Variants in SEMA4D observed in about 807,000 individuals in gnomAD.
SEMA4D encodes semaphorin 4D, also known as semaphorin-4D.
Under a neutral mutation model 74.8 loss-of-function variants are expected in SEMA4D, and 22 were observed. The ratio of observed to expected loss-of-function variants is 0.29; its 90% confidence interval spans 0.21 to 0.42. SEMA4D has a LOEUF of 0.42. SEMA4D is among the 10% of genes least tolerant of loss of function. The probability of loss-of-function intolerance (pLI) is 1.00; values close to 1 mark genes in which losing one functional copy is unlikely to be tolerated. For synonymous variants in SEMA4D, 445 were observed against 463.7 expected (o/e 0.96, Z 0.52); for missense variants, 937 against 1,118.4 (o/e 0.84, Z 2.31).
At chr9:89,448,228 G>A (rs1375614147) in intron 2 of SEMA4D, among the ~76,000 whole-genome samples, 1 of 152,098 alleles carries the variant, frequency 6.6e-6, no homozygotes, top group Non-Finnish European at 1.5e-5. Context: ...CTCCCATCTC[G>A]GCCTATCAAA....
intron 13 of SEMA4D, among the ~76,000 whole-genome samples, chr9:89,383,395 A>G (rs1428148005): frequency 6.6e-6 from 1 of 152,136 alleles, no homozygotes; most frequent in Non-Finnish European, 1.5e-5. Context: ...CATCCCCAGA[A>G]AGCGCCCTCT....
rs1319570037 is a variant in SEMA4D, at chr9:89,378,672, G to A, written c.*32C>T. Reference sequence around the variant, plus strand: ...ACTCTCCACGCCTGGACACGTCGCAGCCGAGGCACCAGCGGGGATGCACAG... The same window carrying A: ...ACTCTCCACGCCTGGACACGTCGCAACCGAGGCACCAGCGGGGATGCACAG... On this transcript the variant is annotated 3_prime_UTR_variant, in exon 16 of 16. Transcript: ENST00000422704. 6.4e-7 allele frequency: 1 copy of A among 1,560,248 alleles called. No individual in the cohort carries two copies. The highest frequency in any genetic ancestry group is 2.2e-5 in the East Asian group (1 of 44,522).
chr9:89,466,792 A>G (rs971895782), intron 1 of SEMA4D, among the ~76,000 whole-genome samples: 1 of 152,162 alleles, frequency 6.6e-6, no homozygotes, highest in African/African-American at 2.4e-5. Flanking sequence ...ACCAGGTCAC[A>G]AGCATTCACC....
chr9:89,382,674 C>T (rs535369351), intron 13 of SEMA4D, among the ~76,000 whole-genome samples: 2 of 152,198 alleles, frequency 1.3e-5, no homozygotes, highest in Non-Finnish European at 2.9e-5. Flanking sequence ...GATCACAGTT[C>T]GGGCATCGCG....
At chr9:89,485,516 C>T (rs1223294386) in intron 1 of SEMA4D, among the ~76,000 whole-genome samples, 3 of 152,118 alleles carry the variant, frequency 2.0e-5, no homozygotes, top group Admixed American at 6.5e-5. Flanking sequence ...GGGCTGGGCA[C>T]GGTGGCTCAC....
Position 89,364,449 on chromosome 9 carries a change from C to T in SEMA4D, c.1883-499G>A, listed in dbSNP as rs1049417405. 5 of 214,642 alleles carry T rather than the reference C, an allele frequency of 2.3e-5. No homozygotes were observed. In the East Asian group the frequency reaches 3.1e-4, roughly 13 times the overall value. 13.3% of individuals were successfully genotyped at this position (214,642 alleles called of 1,614,324 possible). On this transcript the variant is annotated intron_variant, in intron 16 of 18. Transcript: ENST00000339861. Reference sequence around the variant, plus strand: ...TGGGGACCATGAGGGCCTGTCTCTCCAATTGAGACACTGGGGTGGGCTTGG... The same window carrying T: ...TGGGGACCATGAGGGCCTGTCTCTCTAATTGAGACACTGGGGTGGGCTTGG...
chr9:89,480,199 C>T (rs1196859441), intron 1 of SEMA4D, among the ~76,000 whole-genome samples: 17 of 152,116 alleles, frequency 1.1e-4, no homozygotes, highest in Non-Finnish European at 2.1e-4. Flanking sequence ...AAAGGTTCTC[C>T]ACGTCCTCAC....
At chr9:89,459,698 T>G (rs1856786141) in intron 1 of SEMA4D, among the ~76,000 whole-genome samples, 1 of 152,174 alleles carries the variant, frequency 6.6e-6, no homozygotes, top group South Asian at 2.1e-4. Context: ...TGCCCCTGTG[T>G]GTGGCAGGCA....
intron 2 of SEMA4D, among the ~76,000 whole-genome samples, chr9:89,446,509 G>C (rs1372677186): frequency 6.6e-6 from 1 of 152,214 alleles, no homozygotes; most frequent in Non-Finnish European, 1.5e-5. Flanking sequence ...GCCCAACATG[G>C]GCTAAAGAAA....
intron 2 of SEMA4D, among the ~76,000 whole-genome samples, chr9:89,406,349 T>C (rs1009568031): frequency 5.3e-5 from 8 of 152,194 alleles, no homozygotes; most frequent in Non-Finnish European, 1.0e-4. Context: ...CTGTGCACCA[T>C]AGAAATGGTG....
chr9:89,460,172 G>C (rs1334412771), intron 1 of SEMA4D, among the ~76,000 whole-genome samples: 1 of 152,122 alleles, frequency 6.6e-6, no homozygotes, highest in Non-Finnish European at 1.5e-5. Flanking sequence ...ACCTTGCTTC[G>C]CTTCTGTCCT....
intron 12 of SEMA4D, 135 bp downstream of exon 12, chr9:89,387,251 T>C: frequency 1.4e-6 from 1 of 699,464 alleles, no homozygotes; most frequent in South Asian, 2.1e-5. Flanking sequence ...CTTCTTACGC[T>C]CCCACAAACC....
chr9:89,367,725 C>T (rs1421411520), intron 16 of SEMA4D: 1 of 152,270 alleles, frequency 6.6e-6, no homozygotes, highest in East Asian at 1.9e-4. Context: ...AATGATCTTT[C>T]TCCTACAGCT....
downstream of SEMA4D, among the ~76,000 whole-genome samples, chr9:89,372,823 A>C (rs183393021): frequency 1.2e-3 from 178 of 152,060 alleles, 1 homozygote; most frequent in African/African-American, 4.1e-3. Flanking sequence ...AGTTCCCACT[A>C]TGACACCCCT....
chr9:89,380,260 T>C (rs1326766789), intron 15 of SEMA4D, among the ~76,000 whole-genome samples: 1 of 152,204 alleles, frequency 6.6e-6, no homozygotes, highest in South Asian at 2.1e-4. Flanking sequence ...CTCGAACTCC[T>C]GAGCTCAAGT....
In SEMA4D at chr9:89,484,916, T is replaced by C. The variant is rs1298420505; in HGVS notation, c.-310+13003A>G. ...GTAGTGTGTGGTATGGGGTGTGTGGTGTGATGTGTATGTGTGTGTTGTTTG... is the reference window on the plus strand; with the variant it reads ...GTAGTGTGTGGTATGGGGTGTGTGGCGTGATGTGTATGTGTGTGTTGTTTG... On this transcript the variant is annotated intron_variant, in intron 1 of 15. Coordinates refer to ENST00000422704, the MANE Select transcript of SEMA4D (RefSeq NM_001371194.2). This position sits in a 1 kb window ranked among gnomAD's most constrained non-coding sequence, Gnocchi z 4.1. 5.3e-5 allele frequency among the ~76,000 whole-genome samples: 8 copies of C among 151,080 alleles called. No homozygotes were observed. Among genetic ancestry groups the C allele is most frequent in the African/African-American group, 2.0e-4 (8 of 41,022 alleles).
chr9:89,437,774 G>T (rs547766435), intron 2 of SEMA4D, among the ~76,000 whole-genome samples: 1 of 152,212 alleles, frequency 6.6e-6, no homozygotes, highest in Admixed American at 6.5e-5. Context: ...TCTGAGCCTC[G>T]GAGATGAACA....
intron 13 of SEMA4D, chr9:89,386,038 C>T (rs915112301): frequency 1.0e-6 from 1 of 985,250 alleles, no homozygotes; most frequent in Non-Finnish European, 1.2e-6. Context: ...AGTCTGCACA[C>T]CCCCCAAGCT....
At chr9:89,374,307 C>T (rs1393477753), downstream of SEMA4D, among the ~76,000 whole-genome samples, 1 of 152,268 alleles carries the variant, frequency 6.6e-6, no homozygotes, top group Non-Finnish European at 1.5e-5. Flanking sequence ...AGCTACATTC[C>T]CCATATCCAT....
Sources: allele counts gnomAD v4.1 joint callset (sites outside exome capture counted in the v4.1 genomes callset), GRCh38; gene constraint gnomAD v4.1.1; non-coding constraint Gnocchi (gnomAD v3.1); transcripts MANE v1.5; gene names NCBI Gene and HGNC (gene_info 2026-07-23, HGNC 2026-07-21).